Variants in GRM7 observed in about 807,000 individuals in gnomAD.
The protein encoded by GRM7 is metabotropic glutamate receptor 7.
Under a neutral mutation model 84.5 loss-of-function variants are expected in GRM7, and 35 were observed. The ratio of observed to expected loss-of-function variants is 0.41; its 90% CI spans 0.32 to 0.55. The LOEUF (loss-of-function observed/expected upper bound fraction) is 0.55. GRM7 is among the 20% of genes least tolerant of loss of function. The pLI, the probability that GRM7 is intolerant of heterozygous loss-of-function variation, is 0.19. For missense variants in GRM7, 1,003 were observed against 1,194.6 expected (o/e 0.84, Z 2.36); for synonymous variants, 487 against 455.1 (o/e 1.07, Z -0.89).
Position 6,928,491 on chromosome 3 carries a change from T to C in GRM7, c.519+66584T>C, listed in dbSNP as rs565331108. Among the ~76,000 whole-genome samples, 32 of 152,310 alleles carry C rather than the reference T, an allele frequency of 2.1e-4. No homozygotes were observed. In the South Asian group the frequency reaches 6.6e-3, roughly 32 times the overall value. ...TTATGCAAATGATAAATATTATTTA[T>C]TATTAAGTATAATTAATAGTTGCCA... is the stretch of plus-strand genomic sequence containing the variant. On this transcript the variant is annotated intron_variant, in intron 1 of 9. Transcript: ENST00000357716. This position sits in a 1 kb window ranked among gnomAD's most constrained non-coding sequence, Gnocchi z 4.5.
At chr3:7,694,600 C>G (rs915636706) in intron 9 of GRM7, 26 of 152,482 alleles carry the variant, frequency 1.7e-4, no homozygotes, top group African/African-American at 6.3e-4. Flanking sequence ...GCCAAAATTT[C>G]ACTGTATTGT....
At chr3:7,307,370 C>G (rs960172665) in intron 4 of GRM7, among the ~76,000 whole-genome samples, 1 of 152,208 alleles carries the variant, frequency 6.6e-6, no homozygotes, top group Non-Finnish European at 1.5e-5. Flanking sequence ...AGGAGCTTCT[C>G]TGCTGATAGC....
chr3:7,399,724 G>A (rs1041982530), intron 4 of GRM7, among the ~76,000 whole-genome samples: 1 of 152,088 alleles, frequency 6.6e-6, no homozygotes, highest in Non-Finnish European at 1.5e-5. Context: ...TCTCACAAGA[G>A]CTGAGTTGTT....
At chr3:7,117,684 C>G (rs779191261) in intron 1 of GRM7, among the ~76,000 whole-genome samples, 2 of 152,160 alleles carry the variant, frequency 1.3e-5, no homozygotes, top group Non-Finnish European at 2.9e-5. Flanking sequence ...AGATAAAAAG[C>G]CTCATTTAAA....
intron 1 of GRM7, among the ~76,000 whole-genome samples, chr3:6,874,779 C>T (rs1368085988): frequency 6.6e-6 from 1 of 152,168 alleles, no homozygotes; most frequent in African/African-American, 2.4e-5. Context: ...CCCTATGACA[C>T]CCTAGCCTCA....
At chr3:7,219,920 G>A (rs1696743814) in intron 2 of GRM7, among the ~76,000 whole-genome samples, 1 of 152,040 alleles carries the variant, frequency 6.6e-6, no homozygotes, top group African/African-American at 2.4e-5. Flanking sequence ...AACCCATGAT[G>A]GTAAAAGTAT....
intron 2 of GRM7, among the ~76,000 whole-genome samples, chr3:7,243,557 CTGAA>C (rs1697643296): frequency 1.3e-5 from 2 of 152,112 alleles, no homozygotes; most frequent in Non-Finnish European, 2.9e-5. Flanking sequence ...CTCATTGGTT[CTGAA>C]TGGGACATGA....
chr3:6,909,314 C>G (rs937398467), intron 1 of GRM7, among the ~76,000 whole-genome samples: 2 of 152,096 alleles, frequency 1.3e-5, no homozygotes, highest in Non-Finnish European at 2.9e-5. Flanking sequence ...GTAAAACTGT[C>G]CAACTCTTTG....
intron 2 of GRM7, among the ~76,000 whole-genome samples, chr3:7,214,147 T>C (rs1255110984): frequency 2.0e-5 from 3 of 150,250 alleles, no homozygotes; most frequent in Non-Finnish European, 3.0e-5. Context: ...CAGTGATGAT[T>C]CTTGGGGATA....
chr3:7,626,910 C>T (rs1697640798), intron 8 of GRM7, among the ~76,000 whole-genome samples: 1 of 146,534 alleles, frequency 6.8e-6, no homozygotes, highest in South Asian at 2.2e-4. Flanking sequence ...GTCCAAAAGC[C>T]TACATGAGCA....
intron 5 of GRM7, among the ~76,000 whole-genome samples, chr3:7,425,777 C>T (rs961928661): frequency 6.6e-6 from 1 of 151,958 alleles, no homozygotes; most frequent in South Asian, 2.1e-4. Context: ...TAAAAAAATA[C>T]AAAAAAGAAT....
chr3:7,403,151 G>T, intron 4 of GRM7: 1 of 445,044 alleles, frequency 2.2e-6, no homozygotes, highest in South Asian at 1.6e-5. Context: ...AGTTTGTCTG[G>T]CTTTCTTTCT....
At chr3:7,407,805 T>A (rs1393561644) in intron 4 of GRM7, among the ~76,000 whole-genome samples, 1 of 152,216 alleles carries the variant, frequency 6.6e-6, no homozygotes, top group African/African-American at 2.4e-5. Flanking sequence ...CAAATTCAGG[T>A]CTATCTGACT....
intron 4 of GRM7, among the ~76,000 whole-genome samples, chr3:7,364,816 T>C (rs1239149734): frequency 6.6e-6 from 1 of 151,928 alleles, no homozygotes; most frequent in African/African-American, 2.4e-5. Flanking sequence ...AATCGCTTAC[T>C]ATTTGTCCTA....
At chr3:6,888,155 C>A (rs1055712185) in intron 1 of GRM7, among the ~76,000 whole-genome samples, 5 of 151,846 alleles carry the variant, frequency 3.3e-5, no homozygotes, top group Non-Finnish European at 7.4e-5. Flanking sequence ...GAGTAGGTTG[C>A]GAAAATTTTC....
At chr3:7,365,984 C>T (rs938685081) in intron 4 of GRM7, among the ~76,000 whole-genome samples, 3 of 151,624 alleles carry the variant, frequency 2.0e-5, no homozygotes, top group African/African-American at 7.3e-5. Context: ...CAATCCCATA[C>T]TATACTAATA....
At chr3:6,932,811 A>G (rs1697555662) in intron 1 of GRM7, among the ~76,000 whole-genome samples, 1 of 138,010 alleles carries the variant, frequency 7.2e-6, no homozygotes, top group Non-Finnish European at 1.5e-5. Flanking sequence ...CTGGAGTGCA[A>G]TGGCGCGATC....
At chr3:7,087,404 T>C (rs897592642) in intron 1 of GRM7, among the ~76,000 whole-genome samples, 48 of 151,962 alleles carry the variant, frequency 3.2e-4, no homozygotes, top group African/African-American at 9.6e-4. Context: ...TTTTTTTTTT[T>C]TTACCCCAAC....
At chr3:7,284,515 C>T (rs149360277) in intron 2 of GRM7, among the ~76,000 whole-genome samples, 10 of 152,162 alleles carry the variant, frequency 6.6e-5, no homozygotes, top group East Asian at 3.9e-4. Context: ...GCCTCTTTAT[C>T]GCAATGTAGA....
Sources: allele counts gnomAD v4.1 joint callset (sites outside exome capture counted in the v4.1 genomes callset), GRCh38; gene constraint gnomAD v4.1.1; non-coding constraint Gnocchi (gnomAD v3.1); transcripts MANE v1.5; gene names NCBI Gene and HGNC (gene_info 2026-07-23, HGNC 2026-07-21).